The following ARID1B variants were observed in gnomAD, a reference collection of about 807,000 sequenced individuals.
ARID1B encodes AT-rich interactive domain-containing protein 1B.
Under a neutral mutation model 212.3 loss-of-function variants are expected in ARID1B, and 30 were observed. That is an observed-to-expected ratio of 0.14 (90% confidence interval 0.11 to 0.19). ARID1B has a LOEUF of 0.19. ARID1B is among the 10% of genes least tolerant of loss of function. The probability of loss-of-function intolerance (pLI) is 1.00; values close to 1 mark genes in which losing one functional copy is unlikely to be tolerated. For synonymous variants in ARID1B, 1,402 were observed against 1,301.7 expected (o/e 1.08, Z -1.66); for missense variants, 2,891 against 3,204.0 (o/e 0.90, Z 2.36).
chr6:156,986,169 C>T (rs1175033085), intron 4 of ARID1B, among the ~76,000 whole-genome samples: 1 of 152,084 alleles, frequency 6.6e-6, no homozygotes, highest in East Asian at 1.9e-4. Flanking sequence ...TATCACTTAC[C>T]TGTCCTCAGG....
At chr6:157,037,810 G>GT (rs1424994131) in intron 4 of ARID1B, among the ~76,000 whole-genome samples, 1 of 152,196 alleles carries the variant, frequency 6.6e-6, no homozygotes, top group Non-Finnish European at 1.5e-5. Flanking sequence ...AGCTGGCATA[G>GT]TAGAAGCAGT....
At chr6:156,834,593 G>A (rs893613805) in intron 2 of ARID1B, among the ~76,000 whole-genome samples, 1 of 152,094 alleles carries the variant, frequency 6.6e-6, no homozygotes, top group Non-Finnish European at 1.5e-5. Context: ...TGAAATGAAG[G>A]TGAACATTTT....
chr6:157,007,743 T>TC (rs1235960413), intron 4 of ARID1B, among the ~76,000 whole-genome samples: 12 of 131,494 alleles, frequency 9.1e-5, no homozygotes, highest in African/African-American at 3.2e-4. Flanking sequence ...TTTTTTTTTT[T>TC]CCCCAAGACA....
At chr6:156,993,005 A>G (rs571451345) in intron 4 of ARID1B, among the ~76,000 whole-genome samples, 49 of 151,824 alleles carry the variant, frequency 3.2e-4, no homozygotes, top group Middle Eastern at 3.4e-3. Flanking sequence ...ATGTTTATCA[A>G]TGAGCCATTT....
At chr6:157,095,427 C>T (rs747402507) in intron 5 of ARID1B, among the ~76,000 whole-genome samples, 7 of 152,194 alleles carry the variant, frequency 4.6e-5, no homozygotes, top group Non-Finnish European at 2.9e-5. Context: ...TGAGGAAACC[C>T]TGGGGTACCC....
chr6:156,992,682 C>T (rs541275758), intron 4 of ARID1B, among the ~76,000 whole-genome samples: 1 of 152,308 alleles, frequency 6.6e-6, no homozygotes, highest in South Asian at 2.1e-4. Flanking sequence ...TCTGGCTTCT[C>T]CAGAGCAGCC....
chr6:157,177,022 A>G (rs981164729), intron 11 of ARID1B, among the ~76,000 whole-genome samples: 2 of 152,250 alleles, frequency 1.3e-5, no homozygotes, highest in African/African-American at 4.8e-5. Context: ...AGGAGACTTT[A>G]TCAAAATCTG....
At chr6:156,928,407 G>A (rs1413637117) in intron 3 of ARID1B, among the ~76,000 whole-genome samples, 1 of 152,204 alleles carries the variant, frequency 6.6e-6, no homozygotes. Context: ...GTGGCTCTGA[G>A]CAATCTCATT....
chr6:156,831,000 T>G (rs1329149456), intron 2 of ARID1B, among the ~76,000 whole-genome samples: 2 of 152,252 alleles, frequency 1.3e-5, no homozygotes, highest in Non-Finnish European at 2.9e-5. Flanking sequence ...AGTTGCATAC[T>G]TAATTGTACT....
chr6:156,936,396 A>T (rs1018116979), intron 4 of ARID1B: 2 of 151,810 alleles, frequency 1.3e-5, no homozygotes, highest in East Asian at 3.9e-4. Context: ...AATAAATAGT[A>T]TATGGTGATT....
intron 6 of ARID1B, chr6:157,110,825 A>G: frequency 3.8e-6 from 2 of 525,336 alleles, no homozygotes; most frequent in Non-Finnish European, 3.4e-6. Flanking sequence ...AGCATGGTTC[A>G]CATATGACTG....
chr6:157,197,353 C>T (rs752784647), intron 16 of ARID1B, among the ~76,000 whole-genome samples: 3 of 152,220 alleles, frequency 2.0e-5, no homozygotes, highest in African/African-American at 4.8e-5. Flanking sequence ...GGGCCAGAGC[C>T]GCTCACCTTT....
chr6:156,933,300 C>T (rs945164431), intron 3 of ARID1B, among the ~76,000 whole-genome samples: 4 of 151,474 alleles, frequency 2.6e-5, no homozygotes, highest in Non-Finnish European at 5.9e-5. Flanking sequence ...GAGGAGGAGG[C>T]GGGGCCTGCT....
At chr6:157,149,036 C>T (rs775228873) in intron 8 of ARID1B, 85 bp downstream of exon 8, 37 of 1,363,062 alleles carry the variant, frequency 2.7e-5, no homozygotes, top group Admixed American at 8.2e-5. Flanking sequence ...TGCATTGTTC[C>T]CTGGGGTCAC....
At chr6:157,069,792 GA>G (rs1420633438) in intron 4 of ARID1B, among the ~76,000 whole-genome samples, 3 of 152,286 alleles carry the variant, frequency 2.0e-5, no homozygotes, top group Non-Finnish European at 2.9e-5. Context: ...TAGTGGAAAG[GA>G]ATCCCGCAAA....
intron 7 of ARID1B, among the ~76,000 whole-genome samples, chr6:157,135,586 C>G (rs1016003622): frequency 6.6e-6 from 1 of 152,146 alleles, no homozygotes; most frequent in Non-Finnish European, 1.5e-5. Flanking sequence ...TGCATCAGCT[C>G]GGAGCGCTGT....
At chr6:156,972,420 A>G (rs1776991444) in intron 4 of ARID1B, among the ~76,000 whole-genome samples, 2 of 152,218 alleles carry the variant, frequency 1.3e-5, no homozygotes, top group South Asian at 4.1e-4. Context: ...CCCTGTGCCC[A>G]CAGCTTTTGC....
intron 8 of ARID1B, among the ~76,000 whole-genome samples, chr6:157,163,260 A>G (rs1791066689): frequency 6.6e-6 from 1 of 152,034 alleles, no homozygotes; most frequent in African/African-American, 2.4e-5. Context: ...GGTCTCGGGC[A>G]TTGTATTTTC....
intron 4 of ARID1B, among the ~76,000 whole-genome samples, chr6:157,027,927 C>T (rs1198003135): frequency 6.6e-6 from 1 of 152,106 alleles, no homozygotes; most frequent in East Asian, 1.9e-4. Flanking sequence ...TTGATTTATC[C>T]AGGTATTTTT....
Sources: allele counts gnomAD v4.1 joint callset (sites outside exome capture counted in the v4.1 genomes callset), GRCh38; gene constraint gnomAD v4.1.1; transcripts MANE v1.5; gene names NCBI Gene and HGNC (gene_info 2026-07-23, HGNC 2026-07-21).